RTKN: variants seen among roughly 807,000 people sequenced by gnomAD.
The protein encoded by RTKN is rhotekin.
A neutral mutation model predicts 63.5 loss-of-function variants in RTKN; 49 were observed. The ratio of observed to expected loss-of-function variants is 0.77; its 90% CI spans 0.61 to 0.98. The LOEUF is 0.98. Ranked by LOEUF, RTKN falls within the 50% of genes least tolerant of loss-of-function variation. The pLI is 0.00. For synonymous variants in RTKN, 295 were observed against 290.4 expected (o/e 1.02, Z -0.16); for missense variants, 685 against 740.8 (o/e 0.92, Z 0.87).
Position 74,436,883 on chromosome 2 carries a change from C to T in RTKN, c.112-4217G>A, listed in dbSNP as rs1671093287. Among the ~76,000 whole-genome samples the T allele has an allele frequency of 6.6e-6, 1 of 152,188 alleles. No homozygotes were observed. The highest frequency in any genetic ancestry group is 2.1e-4 in the South Asian group (1 of 4,828). On this transcript the variant is annotated intron_variant, in intron 1 of 11. Coordinates refer to ENST00000272430, the MANE Select transcript of RTKN (RefSeq NM_001015055.2). This position sits in a 1 kb window ranked among gnomAD's most constrained non-coding sequence, Gnocchi z 4.3. ...GGGATAGTTCCTTGTTGCCCCCTCCCCACCCAAACACACCCTCTCCCCAAG... is the reference window on the plus strand; with the variant it reads ...GGGATAGTTCCTTGTTGCCCCCTCCTCACCCAAACACACCCTCTCCCCAAG...
At position 74,427,585 on chromosome 2, in the gene RTKN, C is replaced by A. The variant is rs1166669646; in HGVS notation, c.1094G>T (p.Arg365Leu). ...LLTIAVNKETRVRAGELDQAL... is the reference protein window; with the variant it reads ...LLTIAVNKETLVRAGELDQAL... ...CTGGTCCAGCTCCCCTGCCCGGACT[C>A]GAGTCTCCTGCAGGAGAAAGAAGAG... is the stretch of plus-strand genomic sequence containing the variant. Residue 365 changes from arginine to leucine, a missense_variant, in exon 10 of 12, where the codon CGA (arginine) becomes CTA (leucine). By Grantham distance (102) the Arg-to-Leu change is moderately radical. Transcript: ENST00000272430. 1.9e-6 allele frequency: 3 copies of A among 1,611,888 alleles called. No individual in the cohort carries two copies. The highest frequency in any genetic ancestry group is 2.5e-6 in the Non-Finnish European group (3 of 1,179,728).
In RTKN at chr2:74,433,491, A is replaced by ATT. The variant is rs34033427; in HGVS notation, c.112-827_112-826dup. On this transcript the variant is annotated intron_variant, in intron 1 of 11. Coordinates refer to ENST00000272430, the MANE Select transcript of RTKN (RefSeq NM_001015055.2). ...TACATACAAAAATATTCAGTGCGGC[A>ATT]TTTTTTTTTTTTTTTGAGACGGAGT... is the stretch of plus-strand genomic sequence containing the variant. Among the ~76,000 whole-genome samples, 41 of 142,330 alleles carry ATT rather than the reference A, an allele frequency of 2.9e-4. 1 individual carries two copies. Among genetic ancestry groups the ATT allele is most frequent in the African/African-American group, 5.1e-4 (20 of 39,104 alleles). 93.4% of individuals were successfully genotyped at this position (142,330 alleles called of 152,430 possible). A position where few individuals can be genotyped will look rare whatever the true frequency, so the allele number is the denominator to read the frequency against.
At position 74,439,670 on chromosome 2, in the gene RTKN, G is replaced by A. The variant is rs1310283370; in HGVS notation, c.111+2036C>T. 1.9e-6 allele frequency: 3 copies of A among 1,610,990 alleles called. No individual in the cohort carries two copies. In the African/African-American group the frequency reaches 4.0e-5, roughly 22 times the overall value. On this transcript the variant is annotated intron_variant, in intron 1 of 11. Coordinates refer to ENST00000272430, the MANE Select transcript of RTKN (RefSeq NM_001015055.2). ...TCCCTTGTCAACCCCTCCAGAGGGG[G>A]GACAGATAGGTACCACACTGTCCCA...
chr2:74,427,713 G>T, intron 9 of RTKN, 121 bp from the exon 10 acceptor site: 1 of 1,069,868 alleles, frequency 9.3e-7, no homozygotes, highest in Non-Finnish European at 1.4e-6. Context: ...CCTCTCATTT[G>T]CCTCCTACTG....
chr2:74,433,322 A>T (rs1670868706), intron 1 of RTKN, among the ~76,000 whole-genome samples: 2 of 151,744 alleles, frequency 1.3e-5, no homozygotes, highest in African/African-American at 4.8e-5. Context: ...GATGGTTGGA[A>T]GTATAAATTC....
chr2:74,440,351 A>G, intron 1 of RTKN: 1 of 985,976 alleles, frequency 1.0e-6, no homozygotes, highest in Non-Finnish European at 1.2e-6. Flanking sequence ...GCTCACAATT[A>G]CCTCGCTTTT....
Position 74,429,789 on chromosome 2 carries a change from A to C in RTKN, c.755+39T>G, listed in dbSNP as rs777259471. 8.2e-6 allele frequency: 13 copies of C among 1,582,556 alleles called. No individual in the cohort carries two copies. The African/African-American group carries it at 1.5e-4, about 18-fold the overall frequency. ...TTCAAAGGTCACCTGTGGGCAGAAT[A>C]CAGGCAGCTGAGGGTGGTGTCGGTG... On this transcript the variant is annotated intron_variant, in intron 6 of 11. Transcript: ENST00000272430.
intron 2 of RTKN, chr2:74,431,034 A>C: frequency 7.7e-6 from 2 of 258,160 alleles, no homozygotes; most frequent in Non-Finnish European, 7.4e-6. Flanking sequence ...CTCTCCATTA[A>C]ACCCCTGGCT....
intron 1 of RTKN, among the ~76,000 whole-genome samples, chr2:74,434,842 G>T (rs1309113016): frequency 6.6e-6 from 1 of 152,174 alleles, no homozygotes; most frequent in Non-Finnish European, 1.5e-5. Flanking sequence ...GAATCTCTAG[G>T]AGTGGGGCAT....
rs957291342 is a variant in RTKN, at chr2:74,425,942, A to G, written c.*301T>C. The G allele has an allele frequency of 4.3e-6, 3 of 694,466 alleles. No individual in the cohort carries two copies. The highest frequency in any genetic ancestry group is 1.8e-5 in the African/African-American group (1 of 55,522). 43.0% of individuals were successfully genotyped at this position (694,466 alleles called of 1,614,324 possible). ...TCACAAGGGAGGTATGTTTGCTCCAAGGGTTCTTCAGTGCCATCCTCAAAG... is the reference window on the plus strand; with the variant it reads ...TCACAAGGGAGGTATGTTTGCTCCAGGGGTTCTTCAGTGCCATCCTCAAAG... On this transcript the variant is annotated 3_prime_UTR_variant, in exon 12 of 12. Transcript: ENST00000272430.
At chr2:74,437,527 G>A (rs992322711) in intron 1 of RTKN, among the ~76,000 whole-genome samples, 8 of 152,138 alleles carry the variant, frequency 5.3e-5, no homozygotes, top group Non-Finnish European at 1.0e-4. Flanking sequence ...TACATTTTTT[G>A]GAGGAGGGTA....
At chr2:74,428,093 C>G in intron 9 of RTKN, 175 bp downstream of exon 9, 1 of 745,210 alleles carries the variant, frequency 1.3e-6, no homozygotes, top group Non-Finnish European at 2.2e-6. Flanking sequence ...GGACGATCCT[C>G]TCACAGTGAT....
intron 1 of RTKN, among the ~76,000 whole-genome samples, chr2:74,435,228 A>C (rs1670990435): frequency 6.6e-6 from 1 of 152,340 alleles, no homozygotes; most frequent in Non-Finnish European, 1.5e-5. Context: ...TCATTTAGAA[A>C]GGAGCCCTGG....
rs769860780 is a variant in RTKN at position 74,430,266 on chromosome 2, C to G, written c.531G>C (p.Gln177His). 3 of 1,613,692 alleles carry G rather than the reference C, an allele frequency of 1.9e-6. No individual in the cohort carries two copies. Among genetic ancestry groups the G allele is most frequent in the African/African-American group, 2.7e-5 (2 of 74,928 alleles). ...GAGGTACTCACAAGAGCACATTGCT[C>G]TGAAAGGAGATGTCTGTGAGGGTCC... ...VDRTLTDISFQSNVLFAEAGP... is the reference protein window; with the variant it reads ...VDRTLTDISFHSNVLFAEAGP... The change falls in exon 5 of 12, where the codon CAG (glutamine) becomes CAC (histidine). Residue 177 changes from glutamine to histidine, a missense_variant. Coordinates refer to ENST00000272430, the MANE Select transcript of RTKN (RefSeq NM_001015055.2).
intron 9 of RTKN, 122 bp downstream of exon 9, chr2:74,428,146 C>G: frequency 3.1e-6 from 4 of 1,282,132 alleles, no homozygotes; most frequent in Non-Finnish European, 3.3e-6. Context: ...CTGGATGTGG[C>G]ACTGTCAGGA....
chr2:74,432,360 G>T (rs1357772791), intron 2 of RTKN, 107 bp downstream of exon 2: 4 of 1,072,100 alleles, frequency 3.7e-6, no homozygotes, highest in Non-Finnish European at 5.7e-6. Flanking sequence ...AGACTTCATG[G>T]GGAAGTCATC....
intron 1 of RTKN, chr2:74,439,720 C>A: frequency 6.4e-7 from 1 of 1,563,938 alleles, no homozygotes. Context: ...ACTGTTCCCT[C>A]AGTCTTTAAA....
At chr2:74,441,652 T>G in intron 1 of RTKN, 54 bp downstream of exon 1, 1 of 1,350,774 alleles carries the variant, frequency 7.4e-7, no homozygotes, top group East Asian at 2.4e-5. Context: ...CCGAGGTGGC[T>G]GGGGCTGCCC....
chr2:74,440,704 G>C, intron 1 of RTKN: 1 of 314,142 alleles, frequency 3.2e-6, no homozygotes, highest in Non-Finnish European at 4.6e-6. Flanking sequence ...AGTCGCTTGG[G>C]GGCAAGGGGA....
Sources: gnomAD v4.1 joint callset for allele counts (sites outside exome capture counted in the v4.1 genomes callset) on GRCh38, gnomAD v4.1.1 for gene constraint, Gnocchi (gnomAD v3.1) non-coding constraint, MANE v1.5 for transcripts, NCBI Gene and HGNC (gene_info 2026-07-23, HGNC 2026-07-21) for gene names.